Variants in PARP1 observed in about 807,000 individuals in gnomAD.
The protein encoded by PARP1 is poly(ADP-ribose) polymerase 1.
In PARP1, 44 loss-of-function variants were observed where a neutral mutation model predicts 118.7. The observed-to-expected ratio is 0.37, with a 90% confidence interval of 0.29 to 0.48. The LOEUF is 0.48. Ranked by LOEUF, PARP1 falls within the 20% of genes least tolerant of loss-of-function variation. The pLI is 0.99. For missense variants in PARP1, 1,100 were observed against 1,272.4 expected (o/e 0.86, Z 2.06); for synonymous variants, 492 against 483.2 (o/e 1.02, Z -0.24).
At chr1:226,385,388 A>G in intron 7 of PARP1, 116 bp downstream of exon 7, 1 of 842,674 alleles carries the variant, frequency 1.2e-6, no homozygotes. Context: ...ACGCAGCTGT[A>G]AAGAAGTCTG....
chr1:226,376,303 AC>A (rs1664486159), intron 13 of PARP1, among the ~76,000 whole-genome samples: 1 of 152,264 alleles, frequency 6.6e-6, no homozygotes, highest in Non-Finnish European at 1.5e-5. Context: ...AAGAAAAAAG[AC>A]AAAACAGAAA....
chr1:226,366,711 C>T (rs1050057580), intron 17 of PARP1: 5 of 156,806 alleles, frequency 3.2e-5, no homozygotes, highest in Admixed American at 6.1e-5. Context: ...CAGGAAGGTG[C>T]TCTAGGGGCA....
intron 14 of PARP1, among the ~76,000 whole-genome samples, chr1:226,372,824 C>T (rs557393567): frequency 6.6e-6 from 1 of 152,268 alleles, no homozygotes; most frequent in East Asian, 1.9e-4. Context: ...GACTTCAAAA[C>T]GTGAATGAAA....
intron 13 of PARP1, among the ~76,000 whole-genome samples, chr1:226,375,516 G>T (rs1216173382): frequency 2.0e-5 from 3 of 152,186 alleles, no homozygotes; most frequent in African/African-American, 7.2e-5. Context: ...GCTCTGGACT[G>T]GTGCAGCCAG....
chr1:226,366,994 T>C (rs933253349), intron 17 of PARP1: 1 of 230,158 alleles, frequency 4.3e-6, no homozygotes, highest in Non-Finnish European at 8.6e-6. Flanking sequence ...AGAGACTGTG[T>C]GTGCCAACAC....
intron 13 of PARP1, among the ~76,000 whole-genome samples, chr1:226,374,881 T>TA (rs370112555): frequency 1.3e-5 from 2 of 152,330 alleles, no homozygotes; most frequent in African/African-American, 4.8e-5. Context: ...CTGACAGTGT[T>TA]AAAGCACATC....
intron 2 of PARP1, among the ~76,000 whole-genome samples, chr1:226,393,420 A>T (rs1664856397): frequency 6.6e-6 from 1 of 152,228 alleles, no homozygotes; most frequent in African/African-American, 2.4e-5. Context: ...GATGCCAATC[A>T]AATTCCTAGC....
intron 2 of PARP1, chr1:226,401,925 TC>T: frequency 7.1e-7 from 1 of 1,405,374 alleles, no homozygotes; most frequent in Non-Finnish European, 9.3e-7. Context: ...TACTGGAAAC[TC>T]TTTGTTCTTT....
chr1:226,388,933 G>A (rs1664771279), intron 4 of PARP1, among the ~76,000 whole-genome samples, 178 bp from the exon 5 acceptor site: 1 of 152,102 alleles, frequency 6.6e-6, no homozygotes, highest in Non-Finnish European at 1.5e-5. Flanking sequence ...TGTCTACTCA[G>A]GGAGTACTTG....
At chr1:226,393,244 A>G (rs1218230256) in intron 2 of PARP1, among the ~76,000 whole-genome samples, 2 of 152,262 alleles carry the variant, frequency 1.3e-5, no homozygotes, top group Non-Finnish European at 2.9e-5. Context: ...GCGTTAAGAT[A>G]CATAAAACAC....
Position 226,361,358 on chromosome 1 carries a change from G to A in PARP1, c.*102C>T. On this transcript the variant is annotated 3_prime_UTR_variant, in exon 23 of 23. Transcript: ENST00000366794. Reference sequence around the variant, plus strand: ...TCCTTTCTGAGGTGGTTTAGTACAGGTACTACCCATCAGCAACTTAGCGGC... The same window carrying A: ...TCCTTTCTGAGGTGGTTTAGTACAGATACTACCCATCAGCAACTTAGCGGC... 3 of 753,544 alleles carry A rather than the reference G, an allele frequency of 4.0e-6. No individual in the cohort carries two copies. Among genetic ancestry groups the A allele is most frequent in the South Asian group, 1.4e-5 (1 of 69,480 alleles). 46.7% of individuals were successfully genotyped at this position (753,544 alleles called of 1,614,324 possible).
chr1:226,366,302 T>C (rs1265292695), intron 17 of PARP1: 3 of 468,138 alleles, frequency 6.4e-6, no homozygotes, highest in Admixed American at 3.4e-5. Flanking sequence ...GTCTTAAAAT[T>C]CTATGTTTTG....
At chr1:226,389,358 C>G (rs1055154181) in intron 4 of PARP1, among the ~76,000 whole-genome samples, 1 of 152,172 alleles carries the variant, frequency 6.6e-6, no homozygotes, top group Admixed American at 6.5e-5. Context: ...TCACCTGCCC[C>G]CAAAATACAG....
At chr1:226,367,885 C>T (rs893064738) in intron 16 of PARP1, among the ~76,000 whole-genome samples, 2 of 152,154 alleles carry the variant, frequency 1.3e-5, no homozygotes, top group African/African-American at 4.8e-5. Context: ...AGTGAAGGTA[C>T]TTTAGACAAA....
intron 2 of PARP1, among the ~76,000 whole-genome samples, chr1:226,394,632 G>T (rs1664880141): frequency 6.6e-6 from 1 of 152,116 alleles, no homozygotes; most frequent in African/African-American, 2.4e-5. Flanking sequence ...AGAAAGACAG[G>T]GCTGGGTGCG....
At chr1:226,373,304 C>T (rs1431255990) in intron 14 of PARP1, among the ~76,000 whole-genome samples, 1 of 152,204 alleles carries the variant, frequency 6.6e-6, no homozygotes, top group Non-Finnish European at 1.5e-5. Flanking sequence ...TCCACTGGTT[C>T]CTAGGAGCCT....
At position 226,396,467 on chromosome 1, in the gene PARP1, C is replaced by T. The variant is rs917852610; in HGVS notation, c.287-4153G>A. Among the ~76,000 whole-genome samples the T allele has an allele frequency of 5.3e-5, 8 of 149,622 alleles. No individual in the cohort carries two copies. In the South Asian group the frequency reaches 1.7e-3, roughly 32 times the overall value. ...TGATACTTAGAGTAGGATCTCAATT[C>T]TGCAGGAAAGAAAGAAAATCAAGCA... On this transcript the variant is annotated intron_variant, in intron 2 of 22. Transcript: ENST00000366794.
At chr1:226,374,617 G>A (rs1664454758) in intron 13 of PARP1, among the ~76,000 whole-genome samples, 1 of 152,202 alleles carries the variant, frequency 6.6e-6, no homozygotes, top group Non-Finnish European at 1.5e-5. Flanking sequence ...TGCAGCGTCT[G>A]CATGGGCTGA....
intron 8 of PARP1, among the ~76,000 whole-genome samples, 157 bp from the exon 9 acceptor site, chr1:226,381,365 C>T (rs1485321754): frequency 6.6e-6 from 1 of 152,228 alleles, no homozygotes. Flanking sequence ...AAGCTGCCAC[C>T]TGAGTACCTA....
Sources: gnomAD v4.1 joint callset for allele counts (sites outside exome capture counted in the v4.1 genomes callset) on GRCh38, gnomAD v4.1.1 for gene constraint, MANE v1.5 for transcripts, NCBI Gene and HGNC (gene_info 2026-07-23, HGNC 2026-07-21) for gene names.